Variants in POU6F2 observed in about 807,000 individuals in gnomAD.
POU6F2 encodes POU domain, class 6, transcription factor 2.
In POU6F2, 31 loss-of-function variants were observed where a neutral mutation model predicts 71.3. The ratio of observed to expected loss-of-function variants is 0.43; its 90% CI spans 0.33 to 0.59. The LOEUF (loss-of-function observed/expected upper bound fraction) is 0.59. Among genes scored for constraint, POU6F2 ranks in the 20% least tolerant of loss-of-function variants. The pLI is 0.04. For synonymous variants in POU6F2, 347 were observed against 355.7 expected (o/e 0.98, Z 0.27); for missense variants, 783 against 856.8 (o/e 0.91, Z 1.07).
intron 4 of POU6F2, among the ~76,000 whole-genome samples, chr7:39,208,487 G>A (rs1794069514): frequency 6.6e-6 from 1 of 152,120 alleles, no homozygotes; most frequent in Admixed American, 6.6e-5. Context: ...TATCAGAATA[G>A]CAATTTAAAA....
intron 5 of POU6F2, among the ~76,000 whole-genome samples, chr7:39,341,755 T>G (rs1291253645): frequency 6.6e-6 from 1 of 152,220 alleles, no homozygotes; most frequent in African/African-American, 2.4e-5. Context: ...TTTTGAGCTC[T>G]GTGGACCTCA....
At chr7:39,182,385 C>T (rs1164802966) in intron 2 of POU6F2, among the ~76,000 whole-genome samples, 1 of 152,180 alleles carries the variant, frequency 6.6e-6, no homozygotes, top group Non-Finnish European at 1.5e-5. Context: ...ACATTGTATA[C>T]ATGTCTTCAC....
intron 6 of POU6F2, among the ~76,000 whole-genome samples, chr7:39,421,424 T>G (rs1432261403): frequency 1.3e-5 from 2 of 152,204 alleles, no homozygotes; most frequent in Admixed American, 6.5e-5. Flanking sequence ...AACTGAGTGG[T>G]GATGAACAGA....
At chr7:39,440,181 G>A (rs12531581) in intron 7 of POU6F2, among the ~76,000 whole-genome samples, 51,150 of 151,894 alleles carry the variant, frequency 0.34, 9,623 homozygotes, top group East Asian at 0.58. Flanking sequence ...CTTCTCATAA[G>A]ATATCTTAAT....
intron 5 of POU6F2, among the ~76,000 whole-genome samples, chr7:39,375,539 T>G (rs529555523): frequency 6.6e-6 from 1 of 151,740 alleles, no homozygotes; most frequent in East Asian, 1.9e-4. Flanking sequence ...TTGCGGTCCC[T>G]TCTTCCTGGC....
At chr7:39,136,567 C>A (rs1306835088) in intron 2 of POU6F2, among the ~76,000 whole-genome samples, 1 of 152,088 alleles carries the variant, frequency 6.6e-6, no homozygotes, top group Non-Finnish European at 1.5e-5. Flanking sequence ...TTTGTACAGG[C>A]TTTTAAGAAG....
chr7:39,371,606 T>G (rs1369630330), intron 5 of POU6F2, among the ~76,000 whole-genome samples: 1 of 152,164 alleles, frequency 6.6e-6, no homozygotes, highest in Non-Finnish European at 1.5e-5. Context: ...CCACTGGCTA[T>G]TCTGTCACTT....
chr7:39,155,927 G>A lies in POU6F2; in HGVS notation c.278-48308G>A, dbSNP rs537295957. On this transcript the variant is annotated intron_variant, in intron 2 of 9. Coordinates refer to ENST00000518318, the MANE Select transcript of POU6F2 (RefSeq NM_001370959.1). ...CAATGTAATAGTACCTATTGTTGAA[G>A]CCCCTGAGGATTCCTTCTTGAGAAA... 8.5e-5 allele frequency among the ~76,000 whole-genome samples: 13 copies of A among 152,212 alleles called. 1 individual carries two copies. In the East Asian group the frequency reaches 1.9e-3, roughly 23 times the overall value.
At chr7:39,272,510 G>GA (rs781124301) in intron 4 of POU6F2, among the ~76,000 whole-genome samples, 3 of 151,752 alleles carry the variant, frequency 2.0e-5, no homozygotes, top group Admixed American at 6.6e-5. Context: ...AATGTTAGCT[G>GA]AAAAAAAACA....
At chr7:39,115,320 C>A (rs373559437) in intron 2 of POU6F2, among the ~76,000 whole-genome samples, 9 of 152,228 alleles carry the variant, frequency 5.9e-5, no homozygotes, top group Non-Finnish European at 8.8e-5. Flanking sequence ...TCTCAGCTTT[C>A]TTTAAAACCT....
intron 5 of POU6F2, among the ~76,000 whole-genome samples, chr7:39,340,323 TTTTGAAG>T (rs1476705545): frequency 6.6e-6 from 1 of 152,196 alleles, no homozygotes; most frequent in Non-Finnish European, 1.5e-5. Context: ...TTATGATACT[TTTTGAAG>T]GCAGCAAAGA....
intron 4 of POU6F2, among the ~76,000 whole-genome samples, chr7:39,238,705 G>A (rs1226840907): frequency 6.6e-6 from 1 of 152,124 alleles, no homozygotes; most frequent in Non-Finnish European, 1.5e-5. Flanking sequence ...CCTGTTTGGA[G>A]GTTGGATCTG....
intron 4 of POU6F2, among the ~76,000 whole-genome samples, chr7:39,218,301 C>A (rs1055144592): frequency 1.4e-4 from 21 of 152,056 alleles, no homozygotes; most frequent in African/African-American, 4.8e-4. Flanking sequence ...CTTCTGGAAC[C>A]AAAATTCAGA....
rs1287737354 is a variant in POU6F2, at chr7:39,013,867, GA to G, written c.105+35812del. 2.0e-5 allele frequency among the ~76,000 whole-genome samples: 3 copies of G among 152,150 alleles called. 1 individual carries two copies. The highest frequency in any genetic ancestry group is 7.2e-5 in the African/African-American group (3 of 41,414). On this transcript the variant is annotated intron_variant, in intron 1 of 9. Transcript: ENST00000518318. Reference sequence around the variant, plus strand: ...AAATGAACTCCTTGGGTGTGCTGTAGAAACACTATTTTACTTTAAATATACT... The same window carrying G: ...AAATGAACTCCTTGGGTGTGCTGTAGAACACTATTTTACTTTAAATATACT...
intron 4 of POU6F2, among the ~76,000 whole-genome samples, chr7:39,216,974 G>A (rs1794255979): frequency 6.6e-6 from 1 of 151,826 alleles, no homozygotes; most frequent in African/African-American, 2.4e-5. Context: ...AATGATAAAA[G>A]ATAAATACTG....
At chr7:39,342,442 T>A (rs527643958) in intron 5 of POU6F2, among the ~76,000 whole-genome samples, 1 of 152,332 alleles carries the variant, frequency 6.6e-6, no homozygotes, top group African/African-American at 2.4e-5. Context: ...GGAATAAAGA[T>A]CAACTAAATT....
In POU6F2 at chr7:39,413,060, C is replaced by T. The variant is rs929101888; in HGVS notation, c.1113+6320C>T. Among the ~76,000 whole-genome samples the T allele has an allele frequency of 3.7e-4, 56 of 150,782 alleles. 1 individual carries two copies. The highest frequency in any genetic ancestry group is 4.7e-4 in the Non-Finnish European group (32 of 67,508). On this transcript the variant is annotated intron_variant, in intron 6 of 9. Coordinates refer to ENST00000518318, the MANE Select transcript of POU6F2 (RefSeq NM_001370959.1). ...ACCTCGTGATCCGCCTGCCTCGGCC[C>T]CCCAAAGTGCTGGGATTACAGGCGT...
chr7:39,002,635 C>A (rs1383724355), intron 1 of POU6F2, among the ~76,000 whole-genome samples: 1 of 152,218 alleles, frequency 6.6e-6, no homozygotes, highest in Non-Finnish European at 1.5e-5. Context: ...GTGTGAGCCA[C>A]CACACCCGGC....
intron 2 of POU6F2, among the ~76,000 whole-genome samples, chr7:39,090,997 T>A (rs920554819): frequency 6.6e-6 from 1 of 151,008 alleles, no homozygotes; most frequent in Non-Finnish European, 1.5e-5. Context: ...TTTAAGAAAA[T>A]CTAATGCACT....
Sources: allele counts gnomAD v4.1 joint callset (sites outside exome capture counted in the v4.1 genomes callset), GRCh38; gene constraint gnomAD v4.1.1; transcripts MANE v1.5; gene names NCBI Gene and HGNC (gene_info 2026-07-23, HGNC 2026-07-21).